SPAG16: variants seen among roughly 807,000 people sequenced by gnomAD.
The protein encoded by SPAG16 is sperm-associated antigen 16 protein.
SPAG16 carries 86 observed loss-of-function variants against 80.4 expected under a neutral mutation model. The observed-to-expected ratio is 1.07, with a 90% CI of 0.90 to 1.28. SPAG16 has a LOEUF of 1.28. Among genes scored for constraint, SPAG16 ranks in the 50% most tolerant of loss-of-function variants. The pLI, the probability that SPAG16 is intolerant of heterozygous loss-of-function variation, is 0.00. For missense variants in SPAG16, 870 were observed against 765.3 expected, an observed-to-expected ratio of 1.14 and a Z score of -1.61; for synonymous variants, 294 against 265.9, an observed-to-expected ratio of 1.11 and a Z score of -1.03.
At chr2:213,946,335 G>A (rs766245383) in intron 12 of SPAG16, among the ~76,000 whole-genome samples, 2 of 151,362 alleles carry the variant, frequency 1.3e-5, no homozygotes, top group Non-Finnish European at 2.9e-5. Context: ...GGCTGGTCTT[G>A]AACTCCTGAC....
chr2:213,584,499 A>G lies in SPAG16; in HGVS notation c.1070+94409A>G, dbSNP rs530275058. 5.4e-5 allele frequency among the ~76,000 whole-genome samples: 8 copies of G among 147,838 alleles called. No individual in the cohort carries two copies. The South Asian group carries it at 1.3e-3, about 25-fold the overall frequency. ...CAAAGAATCTCAGTGAAAAAAAATCATAGAATTTTGTGCTCACTATTTGAT... is the reference window on the plus strand; with the variant it reads ...CAAAGAATCTCAGTGAAAAAAAATCGTAGAATTTTGTGCTCACTATTTGAT... On this transcript the variant is annotated intron_variant, in intron 10 of 15. Coordinates refer to ENST00000331683, the MANE Select transcript of SPAG16 (RefSeq NM_024532.5).
At chr2:213,560,648 C>T (rs2059571816) in intron 10 of SPAG16, among the ~76,000 whole-genome samples, 2 of 152,018 alleles carry the variant, frequency 1.3e-5, no homozygotes, top group South Asian at 2.1e-4. Flanking sequence ...TGTATGTTTT[C>T]GTATTTCTTA....
At chr2:214,223,821 G>T (rs981478688) in intron 15 of SPAG16, among the ~76,000 whole-genome samples, 3 of 152,122 alleles carry the variant, frequency 2.0e-5, no homozygotes, top group Non-Finnish European at 2.9e-5. Flanking sequence ...CAGAAAACTC[G>T]CAATGTAGTG....
intron 10 of SPAG16, among the ~76,000 whole-genome samples, chr2:213,838,338 T>C (rs1295267875): frequency 3.3e-5 from 5 of 151,872 alleles, no homozygotes; most frequent in African/African-American, 7.3e-5. Flanking sequence ...CTCCCAGCTA[T>C]TTTTTTGTAT....
intron 10 of SPAG16, among the ~76,000 whole-genome samples, chr2:213,705,790 TTGTTGTTG>T (rs2065725077): frequency 2.2e-5 from 2 of 91,046 alleles, no homozygotes; most frequent in African/African-American, 6.9e-5. Flanking sequence ...GGAGGGTTTG[TTGTTGTTG>T]TTGTTGTTGT....
chr2:213,803,444 G>T (rs952881683), intron 10 of SPAG16, among the ~76,000 whole-genome samples: 2 of 152,116 alleles, frequency 1.3e-5, no homozygotes, highest in African/African-American at 4.8e-5. Context: ...TTTTACCTTG[G>T]AATTGTATCA....
intron 9 of SPAG16, among the ~76,000 whole-genome samples, chr2:213,435,561 C>A (rs2070579569): frequency 1.3e-5 from 2 of 151,896 alleles, no homozygotes; most frequent in Admixed American, 6.6e-5. Flanking sequence ...ATATTGTAAT[C>A]CTGTTAGAAA....
intron 10 of SPAG16, among the ~76,000 whole-genome samples, chr2:213,529,890 G>GT (rs1452029235): frequency 6.6e-6 from 1 of 151,952 alleles, no homozygotes; most frequent in Admixed American, 6.6e-5. Flanking sequence ...ATAATTTTTA[G>GT]TTTTTTGAAA....
At chr2:214,341,967 A>G (rs1477522952) in intron 15 of SPAG16, among the ~76,000 whole-genome samples, 1 of 152,136 alleles carries the variant, frequency 6.6e-6, no homozygotes. Flanking sequence ...AGAAGACTAC[A>G]AGATAAAACT....
intron 10 of SPAG16, among the ~76,000 whole-genome samples, chr2:213,627,481 T>C (rs1330771259): frequency 6.6e-6 from 1 of 152,206 alleles, no homozygotes; most frequent in Non-Finnish European, 1.5e-5. Context: ...GGAAAGCCCC[T>C]TTTTGCTTTC....
At chr2:213,913,697 A>T in intron 11 of SPAG16, among the ~76,000 whole-genome samples, 1 of 151,494 alleles carries the variant, frequency 6.6e-6, no homozygotes, top group African/African-American at 2.4e-5. Context: ...ATACACATAC[A>T]TGTGTGTATG....
At chr2:214,219,001 G>A (rs567021591) in intron 15 of SPAG16, among the ~76,000 whole-genome samples, 194 of 152,242 alleles carry the variant, frequency 1.3e-3, no homozygotes, top group Middle Eastern at 6.8e-3. Context: ...ACTATTCTTG[G>A]AAATGGAAAC....
intron 12 of SPAG16, among the ~76,000 whole-genome samples, chr2:213,982,850 T>A (rs929432420): frequency 1.3e-5 from 2 of 152,038 alleles, no homozygotes; most frequent in Non-Finnish European, 2.9e-5. Flanking sequence ...ACATAAATTT[T>A]CCATGTAATG....
intron 10 of SPAG16, among the ~76,000 whole-genome samples, chr2:213,546,201 T>A (rs1327893253): frequency 6.6e-6 from 1 of 152,150 alleles, no homozygotes; most frequent in East Asian, 1.9e-4. Flanking sequence ...TAAATCCTCT[T>A]TTGTATCCCT....
intron 10 of SPAG16, among the ~76,000 whole-genome samples, chr2:213,731,159 T>G (rs1162104558): frequency 6.8e-6 from 1 of 146,160 alleles, no homozygotes; most frequent in Non-Finnish European, 1.5e-5. Context: ...CTGAGTTTTT[T>G]TTTTTTTTTT....
chr2:213,790,799 A>G (rs1401962156), intron 10 of SPAG16, among the ~76,000 whole-genome samples: 1 of 152,054 alleles, frequency 6.6e-6, no homozygotes, highest in Non-Finnish European at 1.5e-5. Flanking sequence ...TGATTTTGTC[A>G]TGGGCCAATT....
intron 10 of SPAG16, among the ~76,000 whole-genome samples, chr2:213,492,872 A>G (rs1426538121): frequency 2.0e-5 from 3 of 152,196 alleles, no homozygotes; most frequent in Non-Finnish European, 2.9e-5. Context: ...CTAAGCCTCT[A>G]TAAGTGCCAG....
intron 13 of SPAG16, among the ~76,000 whole-genome samples, chr2:214,071,648 A>C (rs548492315): frequency 2.6e-4 from 40 of 152,258 alleles, no homozygotes; most frequent in African/African-American, 9.1e-4. Flanking sequence ...ATTATACAGA[A>C]GAGGCAGCTG....
intron 10 of SPAG16, among the ~76,000 whole-genome samples, chr2:213,770,666 A>G (rs1322836822): frequency 6.6e-6 from 1 of 151,978 alleles, no homozygotes; most frequent in Non-Finnish European, 1.5e-5. Context: ...CCTTGTGTTC[A>G]TGTGTTCTCA....
Sources: allele counts gnomAD v4.1 joint callset (sites outside exome capture counted in the v4.1 genomes callset), GRCh38; gene constraint gnomAD v4.1.1; transcripts MANE v1.5; gene names NCBI Gene and HGNC (gene_info 2026-07-23, HGNC 2026-07-21).